MTMR3: variants seen among roughly 807,000 people sequenced by gnomAD.
MTMR3 encodes the protein myotubularin related protein 3, also known as phosphatidylinositol-3,5-bisphosphate 3-phosphatase MTMR3.
A neutral mutation model predicts 132.4 loss-of-function variants in MTMR3; 32 were observed. The ratio of observed to expected loss-of-function variants is 0.24; its 90% CI spans 0.18 to 0.32. The LOEUF (loss-of-function observed/expected upper bound fraction) is 0.32, where lower values mean the gene tolerates loss of function less well. MTMR3 is among the 10% of genes least tolerant of loss of function. MTMR3 has a pLI of 1.00. For missense variants in MTMR3, 1,216 were observed against 1,489.6 expected (o/e 0.82, Z 3.02); for synonymous variants, 556 against 550.3 (o/e 1.01, Z -0.14).
rs112620459 is a variant in MTMR3, at chr22:29,905,938, A to G, written c.-138+22579A>G. On this transcript the variant is annotated intron_variant, in intron 1 of 19. Coordinates refer to ENST00000401950, the MANE Select transcript of MTMR3 (RefSeq NM_021090.4). The stretch of plus-strand genomic sequence containing the variant: ...CATATTAACTTTTTTCAAAGTCATT[A>G]TATATCCTTCTACTGACAAATGTCA... 5.5e-3 allele frequency among the ~76,000 whole-genome samples: 831 copies of G among 152,296 alleles called. 9 individuals are homozygous for G. The highest frequency in any genetic ancestry group is 0.018 in the African/African-American group (760 of 41,566).
intron 2 of MTMR3, among the ~76,000 whole-genome samples, chr22:29,968,036 T>G (rs891893698): frequency 6.6e-6 from 1 of 152,096 alleles, no homozygotes; most frequent in Non-Finnish European, 1.5e-5. Context: ...CCATCATGAA[T>G]AATGCTGTTA....
chr22:29,943,763 C>A (rs969240488), intron 1 of MTMR3, among the ~76,000 whole-genome samples: 1 of 150,862 alleles, frequency 6.6e-6, no homozygotes, highest in African/African-American at 2.4e-5. Context: ...ATTTTGCTTC[C>A]CCTTCCCCAC....
chr22:29,930,083 A>G (rs73396894), intron 1 of MTMR3, among the ~76,000 whole-genome samples: 2,448 of 152,276 alleles, frequency 0.016, 65 homozygotes, highest in African/African-American at 0.056. Flanking sequence ...ATTTCCAGAT[A>G]ATTTTTTAAA....
intron 1 of MTMR3, among the ~76,000 whole-genome samples, chr22:29,952,807 T>G (rs1602551795): frequency 6.6e-6 from 1 of 152,188 alleles, no homozygotes; most frequent in African/African-American, 2.4e-5. Context: ...TATAGTAGTT[T>G]TACACAGTGG....
intron 1 of MTMR3, among the ~76,000 whole-genome samples, chr22:29,885,226 C>T (rs562529293): frequency 5.9e-4 from 90 of 152,206 alleles, no homozygotes; most frequent in African/African-American, 1.9e-3. Context: ...TACAAAGCTC[C>T]GTGAATGATT....
intron 1 of MTMR3, among the ~76,000 whole-genome samples, chr22:29,942,302 G>C (rs1252022556): frequency 1.3e-5 from 2 of 152,156 alleles, no homozygotes; most frequent in Non-Finnish European, 2.9e-5. Context: ...GGGAGTGTAC[G>C]AATAGGGTGT....
chr22:30,003,208 TAAG>T (rs899788277), intron 9 of MTMR3: 4 of 420,460 alleles, frequency 9.5e-6, no homozygotes, highest in South Asian at 6.2e-5. Flanking sequence ...TTGAAACAGA[TAAG>T]AAAGTTTTAG....
At chr22:29,916,830 AAAT>A (rs2065318311) in intron 1 of MTMR3, among the ~76,000 whole-genome samples, 2 of 152,222 alleles carry the variant, frequency 1.3e-5, no homozygotes. Flanking sequence ...TTGTGTAAAT[AAAT>A]AAATGTTTAG....
chr22:29,978,154 G>A (rs1270718040), intron 3 of MTMR3: 1 of 242,396 alleles, frequency 4.1e-6, no homozygotes, highest in African/African-American at 2.2e-5. Context: ...GTGATAGTGA[G>A]ATTCTGTCTC....
chr22:29,997,653 C>G (rs1422425115), intron 7 of MTMR3: 1 of 152,138 alleles, frequency 6.6e-6, no homozygotes, highest in African/African-American at 2.4e-5. Context: ...GCTGTTCTTG[C>G]AAATAATCAG....
rs746859822 is a variant in MTMR3 at position 30,017,917 on chromosome 22, C to G, written c.1675-10C>G. The G allele has an allele frequency of 2.5e-6, 4 of 1,612,448 alleles. No individual in the cohort carries two copies. The highest frequency in any genetic ancestry group is 3.4e-6 in the Non-Finnish European group (4 of 1,179,470). ...GGCATATTTAAACCTGTGTCCTCCC[C>G]CCTCCTCAGGTGCTGTACCCTGTGT... is the stretch of plus-strand genomic sequence containing the variant. On this transcript the variant is annotated splice_polypyrimidine_tract_variant and intron_variant, in intron 15 of 19. Transcript: ENST00000401950.
intron 1 of MTMR3, among the ~76,000 whole-genome samples, chr22:29,898,129 C>G (rs2145720264): frequency 6.6e-6 from 1 of 152,286 alleles, no homozygotes; most frequent in Non-Finnish European, 1.5e-5. Flanking sequence ...GTGTGAGCCA[C>G]TGCACTTGCC....
intron 1 of MTMR3, among the ~76,000 whole-genome samples, chr22:29,923,953 T>G (rs2065468270): frequency 6.6e-6 from 1 of 152,228 alleles, no homozygotes; most frequent in South Asian, 2.1e-4. Flanking sequence ...CCTTAACAGA[T>G]ATGTAATTTG....
intron 1 of MTMR3, among the ~76,000 whole-genome samples, chr22:29,934,399 C>T (rs374102821): frequency 6.6e-6 from 1 of 152,024 alleles, no homozygotes; most frequent in African/African-American, 2.4e-5. Flanking sequence ...GATGTTAGCA[C>T]GCATCTAATC....
chr22:29,958,544 GC>G (rs1288197578), intron 2 of MTMR3, among the ~76,000 whole-genome samples: 1 of 151,898 alleles, frequency 6.6e-6, no homozygotes, highest in African/African-American at 2.4e-5. Flanking sequence ...TTACTCTGCC[GC>G]CATGCCATTC....
At chr22:29,918,081 A>G (rs1412985477) in intron 1 of MTMR3, among the ~76,000 whole-genome samples, 1 of 152,204 alleles carries the variant, frequency 6.6e-6, no homozygotes, top group Non-Finnish European at 1.5e-5. Flanking sequence ...AGAAAAAATT[A>G]GTAACTGCTG....
chr22:29,998,822 C>T lies in MTMR3; in HGVS notation c.522C>T (p.Asn174=), dbSNP rs138356037. 177 of 1,611,404 alleles carry T rather than the reference C, an allele frequency of 1.1e-4. No individual in the cohort carries two copies. Among genetic ancestry groups the T allele is most frequent in the Non-Finnish European group, 1.3e-4 (158 of 1,178,494 alleles). Residue 174 remains asparagine, a synonymous_variant, in exon 8 of 20, where the codon AAC becomes AAT. Transcript: ENST00000401950. ...AGAGGATGGGTTTTGATATGAACAA[C>T]GCCTGGAGGATTTCCAACATCAATG... is the stretch of plus-strand genomic sequence containing the variant. ...EVERMGFDMN[N]AWRISNINEK...
intron 2 of MTMR3, among the ~76,000 whole-genome samples, chr22:29,962,080 C>T (rs1057302634): frequency 2.0e-5 from 3 of 152,190 alleles, no homozygotes; most frequent in Non-Finnish European, 4.4e-5. Flanking sequence ...CAAAACATGT[C>T]TCCATTGTTA....
rs2065106521 is a variant in MTMR3, at chr22:29,906,487, C to A, written c.-138+23128C>A. ...GGGATTACAGGCGTGTGCCACCATA[C>A]CTGGCTAATTTTTTTTTTTTGTATT... is the stretch of plus-strand genomic sequence containing the variant. On this transcript the variant is annotated intron_variant, in intron 1 of 19. Coordinates refer to ENST00000401950, the MANE Select transcript of MTMR3 (RefSeq NM_021090.4). 5.1e-5 allele frequency among the ~76,000 whole-genome samples: 4 copies of A among 77,778 alleles called. No homozygotes were observed. In the Admixed American group the frequency reaches 6.7e-4, roughly 13 times the overall value. 51.0% of individuals were successfully genotyped at this position (77,778 alleles called of 152,430 possible). A position where few individuals can be genotyped will look rare whatever the true frequency, so the allele number is the denominator to read the frequency against.
Sources: allele counts gnomAD v4.1 joint callset (sites outside exome capture counted in the v4.1 genomes callset), GRCh38; gene constraint gnomAD v4.1.1; transcripts MANE v1.5; gene names NCBI Gene and HGNC (gene_info 2026-07-23, HGNC 2026-07-21).